Variants in ODAD2 observed in about 807,000 individuals in gnomAD.
ODAD2 encodes the protein outer dynein arm-docking complex subunit 2.
A neutral mutation model predicts 106.8 loss-of-function variants in ODAD2; 89 were observed. The ratio of observed to expected loss-of-function variants is 0.83; its 90% CI spans 0.70 to 0.99. ODAD2 has a LOEUF of 0.99. Among genes scored for constraint, ODAD2 ranks in the 50% least tolerant of loss-of-function variants. The probability of loss-of-function intolerance (pLI) is 0.00; values close to 1 mark genes in which losing one functional copy is unlikely to be tolerated. For synonymous variants in ODAD2, 404 were observed against 436.2 expected, an observed-to-expected ratio of 0.93 and a Z score of 0.92; for missense variants, 1,168 against 1,238.5, an observed-to-expected ratio of 0.94 and a Z score of 0.85.
chr10:27,896,617 TC>T (rs1443401291), intron 17 of ODAD2, among the ~76,000 whole-genome samples: 4 of 152,318 alleles, frequency 2.6e-5, no homozygotes, highest in Admixed American at 1.3e-4. Context: ...TCTAGAACCA[TC>T]CTTTTGCTTG....
At chr10:27,877,561 A>G (rs1020878835) in intron 17 of ODAD2, among the ~76,000 whole-genome samples, 6 of 152,210 alleles carry the variant, frequency 3.9e-5, no homozygotes, top group Admixed American at 1.3e-4. Context: ...GATTTTAAAC[A>G]TATGACGTCT....
At chr10:27,828,612 G>A (rs1183375492) in intron 19 of ODAD2, among the ~76,000 whole-genome samples, 1 of 152,048 alleles carries the variant, frequency 6.6e-6, no homozygotes, top group Non-Finnish European at 1.5e-5. Flanking sequence ...GCAGACATAT[G>A]GTTATGTTCA....
chr10:27,921,551 T>A (rs2082158123), intron 16 of ODAD2, among the ~76,000 whole-genome samples: 1 of 151,694 alleles, frequency 6.6e-6, no homozygotes, highest in Non-Finnish European at 1.5e-5. Context: ...AGTCTTGGAG[T>A]TTGCTGGGAT....
intron 7 of ODAD2, among the ~76,000 whole-genome samples, chr10:27,973,915 C>T (rs1849021873): frequency 6.6e-6 from 1 of 152,076 alleles, no homozygotes; most frequent in Admixed American, 6.6e-5. Context: ...GTACGTATTC[C>T]CTTTTTTTCT....
intron 10 of ODAD2, among the ~76,000 whole-genome samples, chr10:27,960,438 C>T (rs1848053596): frequency 6.6e-6 from 1 of 151,266 alleles, no homozygotes; most frequent in Admixed American, 6.6e-5. Context: ...CCTCCGCCTC[C>T]TGGGTTCAAG....
At chr10:27,921,009 A>G (rs948006811) in intron 16 of ODAD2, among the ~76,000 whole-genome samples, 2 of 152,212 alleles carry the variant, frequency 1.3e-5, no homozygotes, top group African/African-American at 2.4e-5. Flanking sequence ...ACACTGGGCC[A>G]TGTAACAATC....
chr10:27,995,265 C>T (rs527395523), intron 1 of ODAD2, 85 bp from the exon 2 acceptor site: 1 of 1,331,916 alleles, frequency 7.5e-7, no homozygotes, highest in Non-Finnish European at 1.0e-6. Context: ...TAAACTAGTA[C>T]TCCCCATCCC....
intron 17 of ODAD2, among the ~76,000 whole-genome samples, chr10:27,870,679 T>C (rs1840803349): frequency 1.3e-5 from 2 of 152,214 alleles, no homozygotes; most frequent in Admixed American, 6.5e-5. Flanking sequence ...ACAAAGGACA[T>C]GAACTCATCC....
chr10:27,883,303 T>G (rs573385319), intron 17 of ODAD2, among the ~76,000 whole-genome samples: 69 of 152,166 alleles, frequency 4.5e-4, no homozygotes, highest in African/African-American at 1.6e-3. Context: ...AGTAGAAACC[T>G]CTGGAGTCAT....
At chr10:27,942,252 T>C (rs943036927) in intron 12 of ODAD2, among the ~76,000 whole-genome samples, 13 of 152,236 alleles carry the variant, frequency 8.5e-5, no homozygotes, top group Non-Finnish European at 1.9e-4. Flanking sequence ...GCACTACTGG[T>C]TGATTCACCA....
chr10:27,829,552 C>A (rs1041284428), intron 19 of ODAD2, among the ~76,000 whole-genome samples: 5 of 151,718 alleles, frequency 3.3e-5, no homozygotes, highest in African/African-American at 1.2e-4. Context: ...GTTGTTATTT[C>A]TTTTTTATAA....
At chr10:27,974,804 G>T (rs531129993) in intron 7 of ODAD2, among the ~76,000 whole-genome samples, 1 of 151,168 alleles carries the variant, frequency 6.6e-6, no homozygotes, top group East Asian at 2.0e-4. Flanking sequence ...GATAGGAATA[G>T]CATTGAATCT....
chr10:27,893,780 A>C (rs981789074), intron 17 of ODAD2, among the ~76,000 whole-genome samples: 4 of 152,158 alleles, frequency 2.6e-5, no homozygotes, highest in Non-Finnish European at 5.9e-5. Flanking sequence ...TTCTAGTTCC[A>C]CTGTTTTATT....
intron 17 of ODAD2, among the ~76,000 whole-genome samples, chr10:27,863,805 G>A (rs4749266): frequency 0.49 from 74,006 of 150,358 alleles, 20,051 homozygotes; most frequent in Middle Eastern, 0.63. Flanking sequence ...ATCTGACAGC[G>A]AGAGAGAAGG....
chr10:27,946,397 T>C (rs1846930189), intron 10 of ODAD2, among the ~76,000 whole-genome samples: 1 of 151,746 alleles, frequency 6.6e-6, no homozygotes, highest in South Asian at 2.1e-4. Flanking sequence ...TTTTTAAAAA[T>C]TTATATATAA....
chr10:27,858,044 T>C (rs1839782817), intron 19 of ODAD2, among the ~76,000 whole-genome samples: 1 of 152,216 alleles, frequency 6.6e-6, no homozygotes. Flanking sequence ...TGCAGGTAAT[T>C]GAACCACCCT....
intron 17 of ODAD2, among the ~76,000 whole-genome samples, chr10:27,906,210 AGACAC>A (rs1415746759): frequency 6.6e-6 from 1 of 152,180 alleles, no homozygotes; most frequent in African/African-American, 2.4e-5. Flanking sequence ...AGATATGAAA[AGACAC>A]TTCTCAAAAG....
At chr10:27,986,161 G>A (rs1479133117) in intron 3 of ODAD2, among the ~76,000 whole-genome samples, 3 of 152,066 alleles carry the variant, frequency 2.0e-5, no homozygotes, top group East Asian at 1.9e-4. Flanking sequence ...GGAGAGCAGC[G>A]AAAAGGAGAC....
chr10:27,885,785 T>TTATGTATAA (rs1842152868), intron 17 of ODAD2, among the ~76,000 whole-genome samples: 1 of 27,222 alleles, frequency 3.7e-5, no homozygotes, highest in African/African-American at 1.3e-4. Context: ...AAAATATATA[T>TTATGTATAA]TATATATAAT....
Sources: gnomAD v4.1 joint callset for allele counts (sites outside exome capture counted in the v4.1 genomes callset) on GRCh38, gnomAD v4.1.1 for gene constraint, MANE v1.5 for transcripts, NCBI Gene and HGNC (gene_info 2026-07-23, HGNC 2026-07-21) for gene names.